The following CYBA variants were observed in gnomAD, a reference collection of about 807,000 sequenced individuals.
The protein encoded by CYBA is cytochrome b-245 alpha chain, also known as cytochrome b-245 light chain.
In CYBA, 21 loss-of-function variants were observed where a neutral mutation model predicts 20.8. The observed-to-expected ratio is 1.01, with a 90% confidence interval of 0.72 to 1.46. The LOEUF is 1.46. CYBA is among the 40% of genes most tolerant of loss of function. CYBA has a pLI of 0.00. For missense variants in CYBA, 344 were observed against 287.0 expected, an observed-to-expected ratio of 1.20 and a Z score of -1.43; for synonymous variants, 164 against 127.5, an observed-to-expected ratio of 1.29 and a Z score of -1.93.
chr16:88,643,720 A>G lies in CYBA; in HGVS notation c.370-149T>C, dbSNP rs1265142935. 19 of 772,660 alleles carry G rather than the reference A, an allele frequency of 2.5e-5. No homozygotes were observed. The highest frequency in any genetic ancestry group is 3.4e-5 in the Non-Finnish European group (16 of 475,220). The allele number at this position is 772,660 out of a possible 1,614,324, so 47.9% of individuals were successfully genotyped here. On this transcript the variant is annotated intron_variant, in intron 5 of 5. Coordinates refer to ENST00000261623, the MANE Select transcript of CYBA (RefSeq NM_000101.4). This position sits in a 1 kb window ranked among gnomAD's most constrained non-coding sequence, Gnocchi z 4.3. ...GTGTGACTGCCACTCAGAGAGGTTA[A>G]GTGACGCGCCCGAGGCCACACAGCC...
intron 1 of CYBA, chr16:88,650,516 C>T (rs1156530487): frequency 4.2e-6 from 2 of 474,388 alleles, no homozygotes; most frequent in Non-Finnish European, 4.2e-6. Context: ...AGCCCATTCC[C>T]CACCCCAAGC....
Position 88,646,933 on chromosome 16 carries a change from C to T in CYBA, c.204-95G>A, listed in dbSNP as rs765496349. 2.9e-4 allele frequency: 360 copies of T among 1,249,480 alleles called. 5 individuals carry two copies. The Middle Eastern group carries it at 5.3e-3, about 19-fold the overall frequency. The allele number at this position is 1,249,480 out of a possible 1,614,324, so 77.4% of individuals were successfully genotyped here. A position where few individuals can be genotyped will look rare whatever the true frequency, so the allele number is the denominator to read the frequency against. On this transcript the variant is annotated intron_variant, in intron 3 of 5. Coordinates refer to ENST00000261623, the MANE Select transcript of CYBA (RefSeq NM_000101.4). ...TGACCACCCCAGGGCACCCAGGCCT[C>T]TTTCCTCCCACAAAACACACCGGGC... is the stretch of plus-strand genomic sequence containing the variant.
chr16:88,646,577 C>G, intron 4 of CYBA, 178 bp downstream of exon 4: 1 of 715,166 alleles, frequency 1.4e-6, no homozygotes, highest in South Asian at 1.5e-5. Context: ...CTTACAAATC[C>G]TGCACACTAG....
intron 5 of CYBA, 35 bp downstream of exon 5, chr16:88,646,081 G>A: frequency 6.6e-7 from 1 of 1,521,740 alleles, no homozygotes; most frequent in Non-Finnish European, 8.9e-7. Context: ...TGGGGATGGG[G>A]GTGGCCGGGG....
chr16:88,649,478 C>T (rs1273268996), intron 1 of CYBA, among the ~76,000 whole-genome samples: 1 of 152,238 alleles, frequency 6.6e-6, no homozygotes, highest in South Asian at 2.1e-4. Context: ...AGGACGTATT[C>T]TGGCACCCAG....
chr16:88,646,400 G>A (rs1360680809), intron 4 of CYBA: 1 of 668,414 alleles, frequency 1.5e-6, no homozygotes, highest in African/African-American at 1.8e-5. Flanking sequence ...CACTTGCTCG[G>A]AGGAAGCAGC....
chr16:88,650,265 A>T (rs1034333144), intron 1 of CYBA: 1 of 414,142 alleles, frequency 2.4e-6, no homozygotes, highest in Non-Finnish European at 5.0e-6. Context: ...GTGCTGGGCC[A>T]GACACTCCCT....
Position 88,643,703 on chromosome 16 carries a change from G to T in CYBA, c.370-132C>A. 1.1e-6 allele frequency: 1 copy of T among 874,008 alleles called. No homozygotes were observed. Among genetic ancestry groups the T allele is most frequent in the Non-Finnish European group, 1.8e-6 (1 of 562,054 alleles). The allele number at this position is 874,008 out of a possible 1,614,324, so 54.1% of individuals were successfully genotyped here. A position where few individuals can be genotyped will look rare whatever the true frequency, so the allele number is the denominator to read the frequency against. ...GAATCCCACGCAGGATGGTGTGACT[G>T]CCACTCAGAGAGGTTAAGTGACGCG... On this transcript the variant is annotated intron_variant, in intron 5 of 5. Coordinates refer to ENST00000261623, the MANE Select transcript of CYBA (RefSeq NM_000101.4). This position sits in a 1 kb window ranked among gnomAD's most constrained non-coding sequence, Gnocchi z 4.3.
rs1056604788 is a variant in CYBA at position 88,646,689 on chromosome 16, G to A, written c.287+66C>T. ...TCCTGTCCAGGCAGCCCGGCCGGTG[G>A]GACAGTGGGGAGGGTCGGCTCCAAG... On this transcript the variant is annotated intron_variant, in intron 4 of 5. Coordinates refer to ENST00000261623, the MANE Select transcript of CYBA (RefSeq NM_000101.4). 2.8e-6 allele frequency: 4 copies of A among 1,428,118 alleles called. No individual in the cohort carries two copies. The African/African-American group carries it at 5.6e-5, about 20-fold the overall frequency. 88.5% of individuals were successfully genotyped at this position (1,428,118 alleles called of 1,614,324 possible).
chr16:88,646,885 T>G, intron 3 of CYBA, 47 bp from the exon 4 acceptor site: 5 of 1,509,590 alleles, frequency 3.3e-6, no homozygotes, highest in Non-Finnish European at 4.6e-6. Flanking sequence ...CCTCTCCCAC[T>G]CGGGACTCCT....
chr16:88,646,797 G>A lies in CYBA; in HGVS notation c.245C>T (p.Pro82Leu). The A allele has an allele frequency of 1.9e-6, 3 of 1,613,960 alleles. No individual in the cohort carries two copies. ...CCGAACATAGTAATTCCTGGTAAAGGGCCCGAACAGCTTCACCACGGCGGT... is the reference window on the plus strand; with the variant it reads ...CCGAACATAGTAATTCCTGGTAAAGAGCCCGAACAGCTTCACCACGGCGGT... ...YMTAVVKLFG[P>L]FTRNYYVRAV... The change falls in exon 4 of 6, where the codon CCC becomes CTC. Residue 82 changes from proline (P) to leucine (L), a missense_variant. Physicochemically the swap from Pro to Leu is moderately conservative, Grantham distance 98. Transcript: ENST00000261623.
rs754773481 is a variant in CYBA, at chr16:88,646,801, C to T, written c.241G>A (p.Gly81Arg). 45 of 1,613,840 alleles carry T rather than the reference C, an allele frequency of 2.8e-5. No homozygotes were observed. The highest frequency in any genetic ancestry group is 1.2e-4 in the South Asian group (11 of 91,090). The change falls in exon 4 of 6, where the codon GGG becomes AGG. Residue 81 changes from glycine to arginine, a missense_variant. Coordinates refer to ENST00000261623, the MANE Select transcript of CYBA (RefSeq NM_000101.4). ...KYMTAVVKLF[G>R]PFTRNYYVRA... Reference sequence around the variant, plus strand: ...ACATAGTAATTCCTGGTAAAGGGCCCGAACAGCTTCACCACGGCGGTCATG... The same window carrying T: ...ACATAGTAATTCCTGGTAAAGGGCCTGAACAGCTTCACCACGGCGGTCATG...
Position 88,650,429 on chromosome 16 carries a change from TG to T in CYBA, c.58+526del, listed in dbSNP as rs777905335. On this transcript the variant is annotated intron_variant, in intron 1 of 5. Transcript: ENST00000261623. Reference sequence around the variant, plus strand: ...TGGGCTGGGCAGGGCCGTCACTGGGTGGTTTCGGCGCCTTGTGAAATCTCAG... The same window carrying T: ...TGGGCTGGGCAGGGCCGTCACTGGGTGTTTCGGCGCCTTGTGAAATCTCAG... The T allele has an allele frequency of 1.4e-4, 63 of 457,866 alleles. 1 individual carries two copies. Among genetic ancestry groups the T allele is most frequent in the South Asian group, 9.4e-4 (61 of 64,584 alleles). The allele number at this position is 457,866 out of a possible 1,614,324, so 28.4% of individuals were successfully genotyped here. A position where few individuals can be genotyped will look rare whatever the true frequency, so the allele number is the denominator to read the frequency against.
In CYBA at chr16:88,643,705, C is replaced by T. The variant is rs1567607877; in HGVS notation, c.370-134G>A. 1.2e-6 allele frequency: 1 copy of T among 868,474 alleles called. No homozygotes were observed. The highest frequency in any genetic ancestry group is 1.8e-6 in the Non-Finnish European group (1 of 556,960). 53.8% of individuals were successfully genotyped at this position (868,474 alleles called of 1,614,324 possible). ...ATCCCACGCAGGATGGTGTGACTGC[C>T]ACTCAGAGAGGTTAAGTGACGCGCC... On this transcript the variant is annotated intron_variant, in intron 5 of 5. Transcript: ENST00000261623. This position sits in a 1 kb window ranked among gnomAD's most constrained non-coding sequence, Gnocchi z 4.3.
intron 5 of CYBA, chr16:88,645,173 T>C (rs1907231079): frequency 1.0e-5 from 7 of 702,040 alleles, no homozygotes; most frequent in African/African-American, 8.7e-5. Context: ...CCACTAGCTG[T>C]GCGTGGCAGC....
At chr16:88,647,231 T>C (rs2142876295) in intron 2 of CYBA, 56 bp from the exon 3 acceptor site, 1 of 1,543,044 alleles carries the variant, frequency 6.5e-7, no homozygotes, top group East Asian at 2.3e-5. Flanking sequence ...CACAGGGAAC[T>C]CCCTTTACTG....
Position 88,646,799 on chromosome 16 carries a change from C to A in CYBA, c.243G>T (p.Gly81=), listed in dbSNP as rs11547386. 2 of 1,613,978 alleles carry A rather than the reference C, an allele frequency of 1.2e-6. No individual in the cohort carries two copies. ...GAACATAGTAATTCCTGGTAAAGGG[C>A]CCGAACAGCTTCACCACGGCGGTCA... ...KYMTAVVKLF[G]PFTRNYYVRA... Residue 81 remains glycine, a synonymous_variant, in exon 4 of 6, where the codon GGG becomes GGT. Coordinates refer to ENST00000261623, the MANE Select transcript of CYBA (RefSeq NM_000101.4).
chr16:88,645,635 C>T (rs932852420), intron 5 of CYBA: 12 of 594,240 alleles, frequency 2.0e-5, no homozygotes, highest in Admixed American at 5.9e-5. Flanking sequence ...GGATGGGCAG[C>T]CTTCTAACAG....
chr16:88,645,493 G>A, intron 5 of CYBA: 2 of 690,296 alleles, frequency 2.9e-6, no homozygotes, highest in Non-Finnish European at 2.7e-6. Flanking sequence ...GACCCCCGCA[G>A]TGAGAGGTGG....
Sources: gnomAD v4.1 joint callset for allele counts (sites outside exome capture counted in the v4.1 genomes callset) on GRCh38, gnomAD v4.1.1 for gene constraint, Gnocchi (gnomAD v3.1) non-coding constraint, MANE v1.5 for transcripts, NCBI Gene and HGNC (gene_info 2026-07-23, HGNC 2026-07-21) for gene names.